PDPR: variants seen among roughly 807,000 people sequenced by gnomAD.
PDPR encodes pyruvate dehydrogenase phosphatase regulatory subunit, also known as pyruvate dehydrogenase phosphatase regulatory subunit, mitochondrial.
PDPR carries 50 observed loss-of-function variants against 102.2 expected under a neutral mutation model. The observed-to-expected ratio is 0.49, with a 90% confidence interval of 0.39 to 0.62. The LOEUF (loss-of-function observed/expected upper bound fraction) is 0.62. PDPR is among the 20% of genes least tolerant of loss of function. PDPR has a pLI of 0.00. For synonymous variants in PDPR, 259 were observed against 406.0 expected (o/e 0.64, Z 4.35); for missense variants, 625 against 1,098.2 (o/e 0.57, Z 6.09).
intron 18 of PDPR, among the ~76,000 whole-genome samples, chr16:70,154,474 T>C (rs1966891584): frequency 1.3e-5 from 2 of 152,288 alleles, no homozygotes; most frequent in South Asian, 2.1e-4. Flanking sequence ...TGAATTACAA[T>C]TGAAAAACAA....
intron 17 of PDPR, among the ~76,000 whole-genome samples, chr16:70,150,352 C>A (rs542659046): frequency 2.6e-5 from 4 of 152,272 alleles, no homozygotes; most frequent in Admixed American, 1.3e-4. Context: ...GATCCACCCA[C>A]CTCGGCCTCC....
At chr16:70,128,516 C>G (rs1964209273) in intron 4 of PDPR, among the ~76,000 whole-genome samples, 1 of 152,370 alleles carries the variant, frequency 6.6e-6, no homozygotes, top group Non-Finnish European at 1.5e-5. Context: ...GCATGAGCCA[C>G]TACACCTGGC....
Position 70,132,191 on chromosome 16 carries a change from G to A in PDPR, c.888G>A (p.Trp296Ter). 1.9e-6 allele frequency: 3 copies of A among 1,613,238 alleles called. No individual in the cohort carries two copies. The highest frequency in any genetic ancestry group is 1.1e-5 in the South Asian group (1 of 91,046). ...DADGRIYIRNWQGGILSGGFE... is the reference protein window; with the variant it reads ...DADGRIYIRN ...ATGGAAGAATTTATATTCGGAACTG[G>A]CAGGGTGGCATCCTGTCTGGGGGCT... Residue 296 changes from tryptophan to a stop codon, truncating the protein, a stop_gained, in exon 9 of 19, where the codon TGG (tryptophan) becomes TGA (stop). Coordinates refer to ENST00000288050, the MANE Select transcript of PDPR (RefSeq NM_017990.5). LOFTEE classifies it high-confidence loss of function.
At chr16:70,114,598 C>G (rs375657223) in intron 1 of PDPR, among the ~76,000 whole-genome samples, 158 bp downstream of exon 1, 8 of 152,230 alleles carry the variant, frequency 5.3e-5, no homozygotes, top group East Asian at 3.8e-4. Flanking sequence ...CTCGCGAAGT[C>G]GCGTCCGGGC....
Position 70,143,527 on chromosome 16 carries a change from A to G in PDPR, c.1623A>G (p.Ala541=). ...CCCTGCAGTCCACTGGGGATCAGGC[A>G]TTAGAAGTTCTACAGTACCTCTTCT... ...KFEITSTGDQ[A]LEVLQYLFSN... The change falls in exon 14 of 19, where the codon GCA becomes GCG. Residue 541 remains alanine, a synonymous_variant. Transcript: ENST00000288050. The G allele has an allele frequency of 6.2e-7, 1 of 1,613,754 alleles. No individual in the cohort carries two copies. Among genetic ancestry groups the G allele is most frequent in the Middle Eastern group, 1.7e-4 (1 of 6,052 alleles).
At chr16:70,139,720 A>G (rs1233473354) in intron 11 of PDPR, among the ~76,000 whole-genome samples, 5 of 152,338 alleles carry the variant, frequency 3.3e-5, no homozygotes, top group Non-Finnish European at 5.9e-5. Flanking sequence ...AATTGAACCA[A>G]ACCACGTGGG....
intron 18 of PDPR, among the ~76,000 whole-genome samples, chr16:70,153,886 A>G (rs540013896): frequency 6.6e-6 from 1 of 152,370 alleles, no homozygotes; most frequent in South Asian, 2.1e-4. Context: ...TCTACTAAAA[A>G]TACAAAAAGT....
chr16:70,147,930 T>C (rs1296445122), intron 16 of PDPR, among the ~76,000 whole-genome samples: 2 of 152,234 alleles, frequency 1.3e-5, no homozygotes, highest in Non-Finnish European at 2.9e-5. Context: ...CTTTCCACTT[T>C]CCTTTATAGG....
chr16:70,162,803 T>G (rs1190452827), downstream of PDPR, among the ~76,000 whole-genome samples: 1 of 152,274 alleles, frequency 6.6e-6, no homozygotes, highest in African/African-American at 2.4e-5. Context: ...CCACCTGATG[T>G]TCCACACGGG....
intron 9 of PDPR, among the ~76,000 whole-genome samples, chr16:70,133,826 C>T (rs56249790): frequency 1.0e-3 from 156 of 151,476 alleles, no homozygotes; most frequent in Non-Finnish European, 1.4e-3. Flanking sequence ...GTCTGCCTCC[C>T]GGGTTCAAGT....
In PDPR at chr16:70,142,307, C is replaced by A. The variant is rs752482405; in HGVS notation, c.1389C>A (p.Tyr463Ter). Reference sequence around the variant, plus strand: ...GGCAGTTACGCACCTCTCCTCTCTACGACCGGCTGGATGCACAGGGAGCCA... The same window carrying A: ...GGCAGTTACGCACCTCTCCTCTCTAAGACCGGCTGGATGCACAGGGAGCCA... ...TGRQLRTSPL[Y>*]DRLDAQGARW... The change falls in exon 12 of 19, where the codon TAC becomes TAA. Residue 463 changes from tyrosine (Y) to a stop codon, truncating the protein, a stop_gained. Coordinates refer to ENST00000288050, the MANE Select transcript of PDPR (RefSeq NM_017990.5). LOFTEE classifies it high-confidence loss of function. 1 of 1,613,962 alleles carries A rather than the reference C, an allele frequency of 6.2e-7. No individual in the cohort carries two copies. Among genetic ancestry groups the A allele is most frequent in the East Asian group, 2.2e-5 (1 of 44,886 alleles).
chr16:70,148,057 C>T (rs1176637971), intron 16 of PDPR, among the ~76,000 whole-genome samples: 2 of 152,234 alleles, frequency 1.3e-5, no homozygotes, highest in African/African-American at 4.8e-5. Context: ...CTGTGGGCAT[C>T]GGGCATCATC....
At chr16:70,162,817 G>A (rs1316276260), downstream of PDPR, among the ~76,000 whole-genome samples, 7 of 152,274 alleles carry the variant, frequency 4.6e-5, no homozygotes, top group Non-Finnish European at 7.3e-5. Flanking sequence ...ACACGGGCAC[G>A]TGTGCACTCA....
intron 3 of PDPR, among the ~76,000 whole-genome samples, chr16:70,127,049 T>C (rs1234093920): frequency 6.6e-6 from 1 of 152,262 alleles, no homozygotes; most frequent in Non-Finnish European, 1.5e-5. Context: ...GTTCTCCCTG[T>C]GTTGACCAGG....
At chr16:70,150,983 G>C (rs1187209199) in intron 17 of PDPR, among the ~76,000 whole-genome samples, 1 of 152,240 alleles carries the variant, frequency 6.6e-6, no homozygotes, top group African/African-American at 2.4e-5. Context: ...CGCCCAGGCT[G>C]GAGTGTAGTG....
At chr16:70,135,811 T>C (rs1204765333) in intron 9 of PDPR, among the ~76,000 whole-genome samples, 4 of 152,274 alleles carry the variant, frequency 2.6e-5, no homozygotes, top group Non-Finnish European at 4.4e-5. Context: ...TTCACACCTA[T>C]AATCCTAGCA....
chr16:70,139,326 G>C (rs1160262920), intron 11 of PDPR, among the ~76,000 whole-genome samples: 1 of 152,220 alleles, frequency 6.6e-6, no homozygotes, highest in African/African-American at 2.4e-5. Flanking sequence ...GGTCTGCCTT[G>C]AGAGACCGTA....
Position 70,161,967 on chromosome 16 carries a change from T to G in PDPR, c.*5088T>G, listed in dbSNP as rs1967831693. ...CTTTCAAAAGATGTATGTCAGAATT[T>G]CCTTTGCACACCAAGAACTGGAGCT... On this transcript the variant is annotated 3_prime_UTR_variant, in exon 19 of 19. Coordinates refer to ENST00000288050, the MANE Select transcript of PDPR (RefSeq NM_017990.5). 1.3e-5 allele frequency: 2 copies of G among 152,382 alleles called. No homozygotes were observed. Among genetic ancestry groups the G allele is most frequent in the African/African-American group, 2.4e-5 (1 of 41,484 alleles). 9.4% of individuals were successfully genotyped at this position (152,382 alleles called of 1,614,324 possible).
intron 3 of PDPR, among the ~76,000 whole-genome samples, chr16:70,125,232 C>T (rs555140788): frequency 1.4e-4 from 22 of 152,338 alleles, no homozygotes; most frequent in Non-Finnish European, 2.9e-4. Context: ...CAAATTTAGC[C>T]AGGCATGGTG....
Sources: gnomAD v4.1 joint callset for allele counts (sites outside exome capture counted in the v4.1 genomes callset) on GRCh38, gnomAD v4.1.1 for gene constraint, MANE v1.5 for transcripts, NCBI Gene and HGNC (gene_info 2026-07-23, HGNC 2026-07-21) for gene names.